The following GRM5 variants were observed in gnomAD, a reference collection of about 807,000 sequenced individuals.
GRM5 encodes the protein metabotropic glutamate receptor 5.
Under a neutral mutation model 83.1 loss-of-function variants are expected in GRM5, and 19 were observed. The observed-to-expected ratio is 0.23, with a 90% CI of 0.16 to 0.34. The LOEUF is 0.34. Ranked by LOEUF, GRM5 falls within the 10% of genes least tolerant of loss-of-function variation. GRM5 has a pLI of 1.00. For missense variants in GRM5, 1,160 were observed against 1,588.3 expected (o/e 0.73, Z 4.58); for synonymous variants, 675 against 633.6 (o/e 1.07, Z -0.98).
chr11:88,593,881 C>T (rs1024180360), intron 6 of GRM5, among the ~76,000 whole-genome samples: 3 of 151,434 alleles, frequency 2.0e-5, no homozygotes, highest in African/African-American at 7.2e-5. Context: ...GCAAGCTCCT[C>T]CTCCCGGGTT....
At chr11:88,989,192 A>G (rs1475827244) in intron 2 of GRM5, among the ~76,000 whole-genome samples, 2 of 141,308 alleles carry the variant, frequency 1.4e-5, no homozygotes, top group Non-Finnish European at 3.2e-5. Context: ...GAAAACAAAA[A>G]AAGGCAGGGG....
At chr11:88,978,248 A>C (rs1939403384) in intron 2 of GRM5, among the ~76,000 whole-genome samples, 2 of 152,124 alleles carry the variant, frequency 1.3e-5, no homozygotes, top group Admixed American at 1.3e-4. Context: ...TAATAATAAT[A>C]AACAAGAAAG....
At chr11:88,615,363 G>A (rs1182844438) in intron 4 of GRM5, among the ~76,000 whole-genome samples, 2 of 152,130 alleles carry the variant, frequency 1.3e-5, no homozygotes, top group African/African-American at 4.8e-5. Context: ...TCATTTTGAT[G>A]CTTATGTATT....
At chr11:88,796,899 CGTGTGTGTGTGTGT>C (rs36203408) in intron 3 of GRM5, among the ~76,000 whole-genome samples, 2,243 of 143,520 alleles carry the variant, frequency 0.016, 28 homozygotes, top group Middle Eastern at 0.026. Context: ...CACACACACA[CGTGTGTGTGTGTGT>C]GTGTGTGTGT....
intron 2 of GRM5, among the ~76,000 whole-genome samples, chr11:89,000,824 T>C (rs924211112): frequency 4.6e-5 from 7 of 152,010 alleles, no homozygotes; most frequent in Non-Finnish European, 7.4e-5. Context: ...AAAGGATTAC[T>C]ATCTAGAATA....
At chr11:88,725,195 G>A (rs969812168) in intron 3 of GRM5, among the ~76,000 whole-genome samples, 1 of 152,056 alleles carries the variant, frequency 6.6e-6, no homozygotes, top group Non-Finnish European at 1.5e-5. Flanking sequence ...CAAGTTTGGT[G>A]GGGGGAGAGG....
rs2135150853 is a variant in GRM5 at position 89,047,261 on chromosome 11, G to A, written c.612C>T (p.Asp204=). 2 of 1,613,990 alleles carry A rather than the reference G, an allele frequency of 1.2e-6. No individual in the cohort carries two copies. The highest frequency in any genetic ancestry group is 1.1e-5 in the South Asian group (1 of 91,076). ...SDAQQARAMV[D]IVKRYNWTYV... The stretch of plus-strand genomic sequence containing the variant: ...AGGTCCAGTTGTACCTCTTCACTAT[G>A]TCCACCATGGCCCTTGCCTGCTGAG... The change falls in exon 2 of 10, where the codon GAC becomes GAT. Residue 204 remains aspartate (D), a synonymous_variant. Transcript: ENST00000305447. This position sits in a 1 kb window ranked among gnomAD's most constrained non-coding sequence, Gnocchi z 5.1.
intron 3 of GRM5, among the ~76,000 whole-genome samples, chr11:88,797,831 A>AG (rs1431048564): frequency 1.3e-5 from 2 of 151,728 alleles, no homozygotes; most frequent in African/African-American, 4.8e-5. Context: ...TGTTGTTAAA[A>AG]AAAAAAAGCA....
intron 2 of GRM5, among the ~76,000 whole-genome samples, chr11:88,923,835 C>A (rs648668): frequency 1.3e-5 from 2 of 151,158 alleles, no homozygotes; most frequent in East Asian, 3.9e-4. Context: ...TATTCGTATA[C>A]CTGAATATAT....
intron 2 of GRM5, among the ~76,000 whole-genome samples, chr11:88,953,940 A>C (rs1938536388): frequency 6.6e-6 from 1 of 152,204 alleles, no homozygotes; most frequent in Admixed American, 6.5e-5. Context: ...ATGGAGAATA[A>C]GCTTCTGTAA....
intron 2 of GRM5, among the ~76,000 whole-genome samples, chr11:88,924,756 T>C (rs1345743064): frequency 6.6e-6 from 1 of 151,868 alleles, no homozygotes; most frequent in Admixed American, 6.6e-5. Context: ...ATTATAATAT[T>C]ATTAACTACA....
At chr11:88,770,337 T>G (rs1418051305) in intron 3 of GRM5, among the ~76,000 whole-genome samples, 1 of 152,126 alleles carries the variant, frequency 6.6e-6, no homozygotes, top group Non-Finnish European at 1.5e-5. Context: ...ATAAATATTC[T>G]CTTACTAAAT....
rs146140212 is a variant in GRM5 at position 88,693,129 on chromosome 11, ACAATT to A, written c.912-39731_912-39727del. On this transcript the variant is annotated intron_variant, in intron 3 of 9. Coordinates refer to ENST00000305447, the MANE Select transcript of GRM5 (RefSeq NM_001143831.3). ...TACACGAAGATTACATAGCACAGAAACAATTCAATTCAATTCAATTCAATTCAATT... is the reference window on the plus strand; with the variant it reads ...TACACGAAGATTACATAGCACAGAAACAATTCAATTCAATTCAATTCAATT... Among the ~76,000 whole-genome samples the A allele has an allele frequency of 6.1e-4, 92 of 151,918 alleles. 1 individual carries two copies. Among genetic ancestry groups the A allele is most frequent in the South Asian group, 5.4e-3 (26 of 4,806 alleles).
chr11:88,547,316 A>G (rs1942406599), intron 8 of GRM5, among the ~76,000 whole-genome samples: 1 of 152,208 alleles, frequency 6.6e-6, no homozygotes, highest in Non-Finnish European at 1.5e-5. Flanking sequence ...ACTCACAACC[A>G]GAACTCAAGG....
At chr11:88,816,669 TA>T (rs1281147563) in intron 3 of GRM5, among the ~76,000 whole-genome samples, 2 of 110,834 alleles carry the variant, frequency 1.8e-5, no homozygotes, top group Admixed American at 9.0e-5. Flanking sequence ...AAAAACAATT[TA>T]AAAAATCAGT....
chr11:88,839,975 G>T (rs1426085718), intron 3 of GRM5, among the ~76,000 whole-genome samples: 1 of 152,040 alleles, frequency 6.6e-6, no homozygotes, highest in Non-Finnish European at 1.5e-5. Context: ...TCATCATAAA[G>T]GTTTTCATCC....
chr11:88,582,270 A>G (rs1943226825), intron 7 of GRM5, among the ~76,000 whole-genome samples: 1 of 152,222 alleles, frequency 6.6e-6, no homozygotes, highest in African/African-American at 2.4e-5. Flanking sequence ...GAACTCAAAT[A>G]TGTGCTAATG....
intron 9 of GRM5, among the ~76,000 whole-genome samples, chr11:88,519,859 T>C (rs1349730394): frequency 6.6e-6 from 1 of 152,186 alleles, no homozygotes; most frequent in Non-Finnish European, 1.5e-5. Context: ...TGTCAGGCAA[T>C]ATGCTAAGTG....
intron 2 of GRM5, among the ~76,000 whole-genome samples, chr11:88,943,903 T>C (rs537835777): frequency 1.3e-5 from 2 of 152,146 alleles, no homozygotes; most frequent in African/African-American, 4.8e-5. Context: ...AGACCCTTAA[T>C]AGTTTTGGCC....
Sources: allele counts gnomAD v4.1 joint callset (sites outside exome capture counted in the v4.1 genomes callset), GRCh38; gene constraint gnomAD v4.1.1; non-coding constraint Gnocchi (gnomAD v3.1); transcripts MANE v1.5; gene names NCBI Gene and HGNC (gene_info 2026-07-23, HGNC 2026-07-21).